HPSE: variants seen among roughly 807,000 people sequenced by gnomAD.
The protein encoded by HPSE is endo-glucoronidase.
A neutral mutation model predicts 65.1 loss-of-function variants in HPSE; 48 were observed. The observed-to-expected ratio is 0.74, with a 90% CI of 0.58 to 0.94. The LOEUF (loss-of-function observed/expected upper bound fraction) is 0.94, where lower values mean the gene tolerates loss of function less well. Among genes scored for constraint, HPSE ranks in the 40% least tolerant of loss-of-function variants. The probability of loss-of-function intolerance (pLI) is 0.00; values close to 1 mark genes in which losing one functional copy is unlikely to be tolerated. For synonymous variants in HPSE, 243 were observed against 260.0 expected (o/e 0.93, Z 0.63); for missense variants, 644 against 637.5 (o/e 1.01, Z -0.11).
In HPSE at chr4:83,312,399, C is replaced by A. The variant is rs556754205; in HGVS notation, c.673+715G>T. On this transcript the variant is annotated intron_variant, in intron 4 of 11. Transcript: ENST00000311412. ...TGCTAATAATAAAAAGAGTGTTGGC[C>A]GGGCGCAGTGGCTCACGCCTGTAAT... is the stretch of plus-strand genomic sequence containing the variant. Among the ~76,000 whole-genome samples the A allele has an allele frequency of 3.2e-4, 49 of 152,302 alleles. 1 individual carries two copies. The highest frequency in any genetic ancestry group is 1.2e-3 in the African/African-American group (49 of 41,570).
In HPSE at chr4:83,293,245, A is replaced by G. The variant is rs565176941; in HGVS notation, c.*2099T>C. 1 of 152,340 alleles carries G rather than the reference A, an allele frequency of 6.6e-6. No individual in the cohort carries two copies. Among genetic ancestry groups the G allele is most frequent in the African/African-American group, 2.4e-5 (1 of 41,576 alleles). 9.4% of individuals were successfully genotyped at this position (152,340 alleles called of 1,614,324 possible). A position where few individuals can be genotyped will look rare whatever the true frequency, so the allele number is the denominator to read the frequency against. On this transcript the variant is annotated 3_prime_UTR_variant, in exon 12 of 12. Transcript: ENST00000311412. ...TGGCCACATTACCCATTTCTGAACA[A>G]TAAGACATGAGGAGACATGAGGAGA... is the stretch of plus-strand genomic sequence containing the variant.
chr4:83,299,379 A>G (rs948023017), intron 11 of HPSE, among the ~76,000 whole-genome samples: 1 of 150,780 alleles, frequency 6.6e-6, no homozygotes, highest in Admixed American at 6.6e-5. Flanking sequence ...AAAAAAAAAA[A>G]AAAAAAAAAA....
At chr4:83,296,602 G>A (rs978761161) in intron 11 of HPSE, among the ~76,000 whole-genome samples, 1 of 151,700 alleles carries the variant, frequency 6.6e-6, no homozygotes, top group South Asian at 2.1e-4. Context: ...TTGAACCTGG[G>A]AGGCGGAGGT....
chr4:83,297,212 C>G (rs1735764936), intron 11 of HPSE, among the ~76,000 whole-genome samples: 1 of 152,136 alleles, frequency 6.6e-6, no homozygotes, highest in Non-Finnish European at 1.5e-5. Flanking sequence ...AGCCTAGATA[C>G]ATAGTAGGCT....
At chr4:83,304,308 G>A (rs1186364078) in intron 9 of HPSE, among the ~76,000 whole-genome samples, 2 of 152,156 alleles carry the variant, frequency 1.3e-5, no homozygotes, top group African/African-American at 4.8e-5. Flanking sequence ...AGAAAGGGAA[G>A]GAGGGGGACT....
chr4:83,324,382 G>A (rs1737058481), intron 1 of HPSE, among the ~76,000 whole-genome samples: 1 of 151,982 alleles, frequency 6.6e-6, no homozygotes, highest in Admixed American at 6.6e-5. Flanking sequence ...TATGTATAAT[G>A]CTATGTAAAA....
At chr4:83,304,103 G>T (rs529459100) in intron 9 of HPSE, among the ~76,000 whole-genome samples, 2 of 152,248 alleles carry the variant, frequency 1.3e-5, no homozygotes, top group East Asian at 3.9e-4. Context: ...TCTCAAAGAG[G>T]TGGCTTAGAA....
At chr4:83,308,272 G>T (rs553829948) in intron 8 of HPSE, among the ~76,000 whole-genome samples, 2 of 152,244 alleles carry the variant, frequency 1.3e-5, no homozygotes, top group African/African-American at 4.8e-5. Flanking sequence ...GCCCAGTGCG[G>T]TGATACTCCT....
intron 11 of HPSE, 86 bp downstream of exon 11, chr4:83,300,874 T>C: frequency 1.3e-6 from 1 of 772,668 alleles, no homozygotes; most frequent in Non-Finnish European, 2.0e-6. Flanking sequence ...GTTGACTTTG[T>C]CTTTTGCTCC....
chr4:83,329,912 G>A (rs1328269892), intron 1 of HPSE, among the ~76,000 whole-genome samples: 3 of 151,806 alleles, frequency 2.0e-5, no homozygotes, highest in African/African-American at 7.3e-5. Context: ...CACTGGATGA[G>A]AGCCAGATGT....
At chr4:83,297,194 A>G (rs1735764306) in intron 11 of HPSE, among the ~76,000 whole-genome samples, 1 of 152,212 alleles carries the variant, frequency 6.6e-6, no homozygotes, top group Non-Finnish European at 1.5e-5. Flanking sequence ...GCAACAGGCT[A>G]GTCATATAGC....
intron 1 of HPSE, among the ~76,000 whole-genome samples, chr4:83,322,854 T>A (rs1490151099): frequency 7.7e-6 from 1 of 129,234 alleles, no homozygotes; most frequent in East Asian, 2.4e-4. Flanking sequence ...TGTGGAGGGA[T>A]GGGGTCTTGC....
In HPSE at chr4:83,326,901, G is replaced by A. The variant is rs1737178191; in HGVS notation, c.228-4537C>T. Among the ~76,000 whole-genome samples, 1 of 152,202 alleles carries A rather than the reference G, an allele frequency of 6.6e-6. No individual in the cohort carries two copies. The highest frequency in any genetic ancestry group is 1.5e-5 in the Non-Finnish European group (1 of 68,028). On this transcript the variant is annotated intron_variant, in intron 1 of 11. Transcript: ENST00000311412. This position sits in a 1 kb window ranked among gnomAD's most constrained non-coding sequence, Gnocchi z 4.2. Reference sequence around the variant, plus strand: ...ACGAGCACCTGGAAAAGTTGCTGTGGCATCACATGACGGGCATCTGTGAGT... The same window carrying A: ...ACGAGCACCTGGAAAAGTTGCTGTGACATCACATGACGGGCATCTGTGAGT...
rs558034529 is a variant in HPSE at position 83,332,928 on chromosome 4, C to G, written c.227+1628G>C. Reference sequence around the variant, plus strand: ...ACCCATGTTCAGTAACCGCCCCCCCCCACCCCACACCCCAGCAAGCTAAGA... The same window carrying G: ...ACCCATGTTCAGTAACCGCCCCCCCGCACCCCACACCCCAGCAAGCTAAGA... On this transcript the variant is annotated intron_variant, in intron 1 of 11. Transcript: ENST00000311412. 1.1e-4 allele frequency among the ~76,000 whole-genome samples: 16 copies of G among 151,918 alleles called. No homozygotes were observed. In the South Asian group the frequency reaches 2.9e-3, roughly 28 times the overall value.
intron 6 of HPSE, among the ~76,000 whole-genome samples, 180 bp from the exon 7 acceptor site, chr4:83,309,675 G>T (rs2126187537): frequency 6.6e-6 from 1 of 152,240 alleles, no homozygotes; most frequent in Non-Finnish European, 1.5e-5. Flanking sequence ...TCCATTCTAT[G>T]CAAGTAACTA....
chr4:83,315,503 C>T (rs1304379615), intron 3 of HPSE, among the ~76,000 whole-genome samples: 4 of 152,214 alleles, frequency 2.6e-5, no homozygotes, highest in Admixed American at 6.5e-5. Flanking sequence ...AGTACCATTA[C>T]TAGAGTCTGT....
chr4:83,322,801 G>T (rs941872328), intron 1 of HPSE, among the ~76,000 whole-genome samples: 42 of 134,584 alleles, frequency 3.1e-4, no homozygotes, highest in African/African-American at 1.4e-3. Flanking sequence ...GTGTGTGTGT[G>T]TGTGTGTGTG....
In HPSE at chr4:83,300,959, C is replaced by G. The variant is rs1735921682; in HGVS notation, c.1472+1G>C. 6.3e-6 allele frequency: 10 copies of G among 1,576,076 alleles called. No individual in the cohort carries two copies. Among genetic ancestry groups the G allele is most frequent in the Non-Finnish European group, 6.9e-6 (8 of 1,160,726 alleles). On this transcript the variant is annotated splice_donor_variant, in intron 11 of 11. Coordinates refer to ENST00000311412, the MANE Select transcript of HPSE (RefSeq NM_001098540.3). LOFTEE classifies it high-confidence loss of function. ...TGGAATGAACAAGGAAAATTACTTA[C>G]TTGGAAAGTAATCCATGAGGTCCCA... is the stretch of plus-strand genomic sequence containing the variant.
intron 9 of HPSE, 124 bp from the exon 10 acceptor site, chr4:83,302,392 T>A: frequency 1.6e-6 from 1 of 626,342 alleles, no homozygotes; most frequent in Non-Finnish European, 2.8e-6. Flanking sequence ...TGGGGGCATT[T>A]AAATAGGATT....
Sources: allele counts gnomAD v4.1 joint callset (sites outside exome capture counted in the v4.1 genomes callset), GRCh38; gene constraint gnomAD v4.1.1; non-coding constraint Gnocchi (gnomAD v3.1); transcripts MANE v1.5; gene names NCBI Gene and HGNC (gene_info 2026-07-23, HGNC 2026-07-21).